Variants in PTPRT observed in about 807,000 individuals in gnomAD.
The protein encoded by PTPRT is protein tyrosine phosphatase receptor type T.
Under a neutral mutation model 176.8 loss-of-function variants are expected in PTPRT, and 56 were observed. That is an observed-to-expected ratio of 0.32 (90% confidence interval 0.26 to 0.40). PTPRT has a LOEUF of 0.40. PTPRT is among the 10% of genes least tolerant of loss of function. PTPRT has a pLI of 1.00. For synonymous variants in PTPRT, 783 were observed against 739.0 expected (o/e 1.06, Z -0.96); for missense variants, 1,540 against 1,908.2 (o/e 0.81, Z 3.60).
chr20:43,188,042 G>T (rs1185310233), intron 1 of PTPRT, among the ~76,000 whole-genome samples: 13 of 152,150 alleles, frequency 8.5e-5, no homozygotes, highest in African/African-American at 2.7e-4. Context: ...GAATATTTTT[G>T]ATCCTGTTTC....
intron 1 of PTPRT, among the ~76,000 whole-genome samples, chr20:43,017,328 C>T (rs529209951): frequency 6.6e-5 from 10 of 152,154 alleles, no homozygotes; most frequent in South Asian, 6.2e-4. Context: ...CCTTTCTGTG[C>T]GTTTCCTTCC....
intron 9 of PTPRT, among the ~76,000 whole-genome samples, chr20:42,408,967 C>T (rs2058987118): frequency 6.6e-6 from 1 of 152,290 alleles, no homozygotes; most frequent in African/African-American, 2.4e-5. Flanking sequence ...AACGCTAACC[C>T]CACATGGGAG....
intron 7 of PTPRT, among the ~76,000 whole-genome samples, chr20:42,627,397 G>A (rs1360450432): frequency 6.6e-6 from 1 of 152,016 alleles, no homozygotes; most frequent in African/African-American, 2.4e-5. Context: ...CCATGCCCAT[G>A]TAGCTGGGAC....
At position 42,565,619 on chromosome 20, in the gene PTPRT, A is replaced by T. The variant is rs145733818; in HGVS notation, c.1154-93057T>A. Among the ~76,000 whole-genome samples, 6 of 152,238 alleles carry T rather than the reference A, an allele frequency of 3.9e-5. No individual in the cohort carries two copies. The East Asian group carries it at 1.2e-3, about 29-fold the overall frequency. ...AATTTGGGGAAAAGCCTAACTTTTA[A>T]ATTAAACAGTTGTAAAACTTCTGAT... On this transcript the variant is annotated intron_variant, in intron 7 of 30. Transcript: ENST00000373187.
chr20:42,928,259 C>T (rs1180369796), intron 1 of PTPRT, among the ~76,000 whole-genome samples: 2 of 152,214 alleles, frequency 1.3e-5, no homozygotes, highest in Non-Finnish European at 2.9e-5. Context: ...TTTTAATTAT[C>T]ACAGTCCTGA....
intron 22 of PTPRT, among the ~76,000 whole-genome samples, chr20:42,113,548 C>T (rs765113679): frequency 6.6e-6 from 1 of 152,214 alleles, no homozygotes; most frequent in East Asian, 1.9e-4. Flanking sequence ...GACTGACTGA[C>T]GTGGGAGCAC....
chr20:42,451,976 G>A (rs6030252), intron 8 of PTPRT, among the ~76,000 whole-genome samples: 72,756 of 151,936 alleles, frequency 0.48, 18,501 homozygotes, highest in African/African-American at 0.65. Flanking sequence ...CTAAGAAAAA[G>A]ATTCAAAATA....
At chr20:42,301,818 G>T (rs1240139033) in intron 12 of PTPRT, among the ~76,000 whole-genome samples, 2 of 152,112 alleles carry the variant, frequency 1.3e-5, no homozygotes, top group African/African-American at 2.4e-5. Context: ...AAAAAAAGGA[G>T]TTAGACATAT....
At chr20:42,061,898 T>A in the PTPRT span, among the ~76,000 whole-genome samples, 1 of 152,208 alleles carries the variant, frequency 6.6e-6, no homozygotes, top group Non-Finnish European at 1.5e-5. Context: ...AAAAACTGCA[T>A]TTTAAAAAAT....
chr20:42,839,447 T>A (rs1382223860), intron 2 of PTPRT, among the ~76,000 whole-genome samples: 1 of 152,082 alleles, frequency 6.6e-6, no homozygotes, highest in Admixed American at 6.5e-5. Context: ...TGAGCCAGCA[T>A]GATAAAATCC....
intron 7 of PTPRT, among the ~76,000 whole-genome samples, chr20:42,620,271 A>T (rs558580245): frequency 1.3e-5 from 2 of 149,770 alleles, no homozygotes; most frequent in African/African-American, 5.0e-5. Flanking sequence ...GGGGTCAGGG[A>T]CCCACTTGAG....
chr20:42,769,254 T>C (rs956752408), intron 5 of PTPRT, among the ~76,000 whole-genome samples: 1 of 152,174 alleles, frequency 6.6e-6, no homozygotes, highest in Non-Finnish European at 1.5e-5. Context: ...ATGGGCTCTT[T>C]ATGCCCAAGG....
At chr20:42,798,643 A>G (rs1022928237) in intron 2 of PTPRT, among the ~76,000 whole-genome samples, 2 of 128,422 alleles carry the variant, frequency 1.6e-5, no homozygotes, top group East Asian at 4.1e-4. Context: ...TATTTAAAAC[A>G]AAAAAAAGAT....
chr20:42,502,556 T>C (rs895167903), intron 7 of PTPRT, among the ~76,000 whole-genome samples: 4 of 152,072 alleles, frequency 2.6e-5, no homozygotes, highest in Non-Finnish European at 5.9e-5. Flanking sequence ...CAGTTTTCAC[T>C]AAAACTTCAC....
intron 7 of PTPRT, among the ~76,000 whole-genome samples, chr20:42,605,757 C>T (rs551249519): frequency 1.1e-4 from 16 of 152,316 alleles, no homozygotes; most frequent in African/African-American, 2.9e-4. Flanking sequence ...GGCTCTCTCC[C>T]CCTCCTACAG....
chr20:43,146,937 G>A (rs2014187884), intron 1 of PTPRT, among the ~76,000 whole-genome samples: 1 of 152,082 alleles, frequency 6.6e-6, no homozygotes, highest in Admixed American at 6.6e-5. Flanking sequence ...AGCATCTCTG[G>A]CCAGCAGCCA....
At chr20:42,833,773 GC>G (rs1212416697) in intron 2 of PTPRT, among the ~76,000 whole-genome samples, 1 of 152,104 alleles carries the variant, frequency 6.6e-6, no homozygotes, top group Non-Finnish European at 1.5e-5. Flanking sequence ...GAAAGGACAG[GC>G]TTTTCAACAA....
At chr20:42,768,397 C>T (rs952238437) in intron 5 of PTPRT, among the ~76,000 whole-genome samples, 3 of 152,140 alleles carry the variant, frequency 2.0e-5, no homozygotes, top group Admixed American at 1.3e-4. Flanking sequence ...TGTGTGCCCT[C>T]AGTAAGACTG....
In PTPRT at chr20:42,899,319, A is replaced by G. The variant is rs376494135; in HGVS notation, c.89-13387T>C. Among the ~76,000 whole-genome samples, 410 of 152,350 alleles carry G rather than the reference A, an allele frequency of 2.7e-3. 2 individuals carry two copies. The highest frequency in any genetic ancestry group is 0.017 in the Middle Eastern group (5 of 294). On this transcript the variant is annotated intron_variant, in intron 1 of 30. Transcript: ENST00000373187. ...GTGAGGAAAGGTTTTCTCGACACAGAAGGACAGGCTTAAACTGGTTCCTGG... is the reference window on the plus strand; with the variant it reads ...GTGAGGAAAGGTTTTCTCGACACAGGAGGACAGGCTTAAACTGGTTCCTGG...
Sources: gnomAD v4.1 joint callset for allele counts (sites outside exome capture counted in the v4.1 genomes callset) on GRCh38, gnomAD v4.1.1 for gene constraint, MANE v1.5 for transcripts, NCBI Gene and HGNC (gene_info 2026-07-23, HGNC 2026-07-21) for gene names.